UBASH3B: variants seen among roughly 807,000 people sequenced by gnomAD.
UBASH3B encodes the protein ubiquitin-associated and SH3 domain-containing protein B.
In UBASH3B, 37 loss-of-function variants were observed where a neutral mutation model predicts 83.4. That is an observed-to-expected ratio of 0.44 (90% CI 0.34 to 0.58). The LOEUF (loss-of-function observed/expected upper bound fraction) is 0.58. Among genes scored for constraint, UBASH3B ranks in the 20% least tolerant of loss-of-function variants. UBASH3B has a pLI of 0.01. For synonymous variants in UBASH3B, 304 were observed against 318.3 expected (o/e 0.96, Z 0.48); for missense variants, 657 against 827.2 (o/e 0.79, Z 2.52).
chr11:122,724,820 G>A (rs1387005184), intron 1 of UBASH3B, among the ~76,000 whole-genome samples: 2 of 152,120 alleles, frequency 1.3e-5, no homozygotes, highest in Non-Finnish European at 2.9e-5. Context: ...GGAGAGTCCA[G>A]TGAGCGGCAT....
chr11:122,681,411 C>T (rs899229586), intron 1 of UBASH3B, among the ~76,000 whole-genome samples: 1 of 152,114 alleles, frequency 6.6e-6, no homozygotes, highest in Non-Finnish European at 1.5e-5. Context: ...CTTCTTGTAC[C>T]TCTGATGCTT....
intron 1 of UBASH3B, among the ~76,000 whole-genome samples, chr11:122,765,093 T>G (rs1591803680): frequency 6.6e-6 from 1 of 152,294 alleles, no homozygotes; most frequent in East Asian, 1.9e-4. Flanking sequence ...AGCCCTTTTT[T>G]TTTTTCATGT....
chr11:122,756,963 G>A lies in UBASH3B; in HGVS notation c.162-19256G>A, dbSNP rs1012016554. On this transcript the variant is annotated intron_variant, in intron 1 of 13. Transcript: ENST00000284273. ...AAATCACTTGCCTCCGCGGGTCTTA[G>A]TTCCTCATCTGTAACGTGAGAGGAT... is the stretch of plus-strand genomic sequence containing the variant. Among the ~76,000 whole-genome samples the A allele has an allele frequency of 2.6e-5, 4 of 152,338 alleles. No homozygotes were observed. The East Asian group carries it at 5.8e-4, about 22-fold the overall frequency.
chr11:122,760,350 AGTTT>A (rs1331789897), intron 1 of UBASH3B, among the ~76,000 whole-genome samples: 1 of 143,398 alleles, frequency 7.0e-6, no homozygotes, highest in Non-Finnish European at 1.5e-5. Flanking sequence ...CAACAGAGAA[AGTTT>A]TTTTTTTTTT....
intron 1 of UBASH3B, among the ~76,000 whole-genome samples, chr11:122,674,981 C>T (rs370271145): frequency 1.3e-5 from 2 of 151,892 alleles, no homozygotes; most frequent in South Asian, 2.1e-4. Flanking sequence ...CACCCACCTT[C>T]GTCTCCCAAA....
chr11:122,725,340 A>AAG (rs1555140834), intron 1 of UBASH3B, among the ~76,000 whole-genome samples: 1 of 135,174 alleles, frequency 7.4e-6, no homozygotes, highest in Non-Finnish European at 1.7e-5. Context: ...AAAAAAAAAA[A>AAG]AAAAGAAAAG....
At chr11:122,682,006 G>A (rs1305471204) in intron 1 of UBASH3B, among the ~76,000 whole-genome samples, 2 of 152,096 alleles carry the variant, frequency 1.3e-5, no homozygotes, top group African/African-American at 2.4e-5. Flanking sequence ...GTCAGAACAA[G>A]ATGGGCCCAT....
chr11:122,808,048 C>T lies in UBASH3B; in HGVS notation c.1703-19C>T. 12 of 1,596,692 alleles carry T rather than the reference C, an allele frequency of 7.5e-6. No individual in the cohort carries two copies. Among genetic ancestry groups the T allele is most frequent in the Non-Finnish European group, 1.0e-5 (12 of 1,164,078 alleles). ...TCTTTATAGAAACAGTCTTCCCATA[C>T]CTTGCCATTTTCCCCCAGGAAATAA... On this transcript the variant is annotated intron_variant, in intron 12 of 13. Transcript: ENST00000284273.
Position 122,806,281 on chromosome 11 carries a change from A to T in UBASH3B, c.1596-129A>T, listed in dbSNP as rs891958761. On this transcript the variant is annotated intron_variant, in intron 11 of 13. Coordinates refer to ENST00000284273, the MANE Select transcript of UBASH3B (RefSeq NM_032873.5). The surrounding 1 kb of genome is among the most constrained non-coding windows in gnomAD (Gnocchi z 4.0). Reference sequence around the variant, plus strand: ...TGTTCCCTATACCTTTCTCCTTTCTAGGGAAATGGATAAACAAACAGATCT... The same window carrying T: ...TGTTCCCTATACCTTTCTCCTTTCTTGGGAAATGGATAAACAAACAGATCT... The T allele has an allele frequency of 1.3e-6, 1 of 762,142 alleles. No homozygotes were observed. The highest frequency in any genetic ancestry group is 2.1e-6 in the Non-Finnish European group (1 of 473,798). 47.2% of individuals were successfully genotyped at this position (762,142 alleles called of 1,614,324 possible). A position where few individuals can be genotyped will look rare whatever the true frequency, so the allele number is the denominator to read the frequency against.
chr11:122,692,138 C>T (rs1863904985), intron 1 of UBASH3B, among the ~76,000 whole-genome samples: 1 of 152,064 alleles, frequency 6.6e-6, no homozygotes, highest in East Asian at 1.9e-4. Context: ...AATAGAAGTA[C>T]CTACCTCACA....
At chr11:122,793,692 T>C (rs1861099827) in intron 6 of UBASH3B, among the ~76,000 whole-genome samples, 1 of 152,246 alleles carries the variant, frequency 6.6e-6, no homozygotes, top group Non-Finnish European at 1.5e-5. Context: ...TGGCAGGTTT[T>C]GACTGTCTTC....
Position 122,813,734 on chromosome 11 carries a change from G to T in UBASH3B, c.*3848G>T, listed in dbSNP as rs1317769374. 2 of 152,112 alleles carry T rather than the reference G, an allele frequency of 1.3e-5. No individual in the cohort carries two copies. The highest frequency in any genetic ancestry group is 4.8e-5 in the African/African-American group (2 of 41,412). 9.4% of individuals were successfully genotyped at this position (152,112 alleles called of 1,614,324 possible). ...AATGTTCACTTTACAAAGGTGATGG[G>T]GGATATTTTGTTAGGTGATAGCAGA... is the stretch of plus-strand genomic sequence containing the variant. On this transcript the variant is annotated 3_prime_UTR_variant, in exon 14 of 14. Coordinates refer to ENST00000284273, the MANE Select transcript of UBASH3B (RefSeq NM_032873.5).
rs1863352691 is a variant in UBASH3B, at chr11:122,655,962, C to T, written c.-88C>T. The T allele has an allele frequency of 4.7e-6, 6 of 1,265,580 alleles. No homozygotes were observed. In the East Asian group the frequency reaches 1.3e-4, roughly 27 times the overall value. The allele number at this position is 1,265,580 out of a possible 1,614,324, so 78.4% of individuals were successfully genotyped here. Reference sequence around the variant, plus strand: ...TCCTGCCTGGCTCTGGGTCCCCGAGCCCCCTCCCCTGGCCCAGCCCGACTC... The same window carrying T: ...TCCTGCCTGGCTCTGGGTCCCCGAGTCCCCTCCCCTGGCCCAGCCCGACTC... On this transcript the variant is annotated 5_prime_UTR_variant, in exon 1 of 14. Coordinates refer to ENST00000284273, the MANE Select transcript of UBASH3B (RefSeq NM_032873.5).
Position 122,661,870 on chromosome 11 carries a change from A to C in UBASH3B, c.161+5660A>C, listed in dbSNP as rs557413558. On this transcript the variant is annotated intron_variant, in intron 1 of 13. Transcript: ENST00000284273. ...CGAGGTCCTGGTTCCAAAAAAAAAAAAAACAAAAAAAAAAATACCTTGATA... is the reference window on the plus strand; with the variant it reads ...CGAGGTCCTGGTTCCAAAAAAAAAACAAACAAAAAAAAAAATACCTTGATA... 5.0e-4 allele frequency among the ~76,000 whole-genome samples: 75 copies of C among 151,016 alleles called. 1 individual carries two copies. The East Asian group carries it at 0.01, about 21-fold the overall frequency.
At chr11:122,791,167 T>C (rs1223440999) in intron 6 of UBASH3B, among the ~76,000 whole-genome samples, 2 of 152,226 alleles carry the variant, frequency 1.3e-5, no homozygotes, top group African/African-American at 4.8e-5. Flanking sequence ...GAAATTAAAC[T>C]AACAGCTTCC....
At chr11:122,803,717 G>T (rs955060362) in intron 11 of UBASH3B, among the ~76,000 whole-genome samples, 15 of 152,122 alleles carry the variant, frequency 9.9e-5, no homozygotes, top group African/African-American at 3.6e-4. Context: ...ATCAAACTTT[G>T]GCATGAGGCT....
At chr11:122,776,133 T>A in intron 1 of UBASH3B, 86 bp from the exon 2 acceptor site, 1 of 1,233,570 alleles carries the variant, frequency 8.1e-7, no homozygotes, top group Non-Finnish European at 1.2e-6. Context: ...CAGGCTTTGA[T>A]GTCGCCTCCT....
chr11:122,699,517 C>T (rs374862272), intron 1 of UBASH3B, among the ~76,000 whole-genome samples: 8 of 138,042 alleles, frequency 5.8e-5, no homozygotes, highest in African/African-American at 1.1e-4. Flanking sequence ...TTCTTTCTTT[C>T]TCTTTCTTTC....
chr11:122,688,210 G>A (rs553221421), intron 1 of UBASH3B, among the ~76,000 whole-genome samples: 11 of 152,026 alleles, frequency 7.2e-5, no homozygotes, highest in African/African-American at 2.4e-4. Flanking sequence ...GACACCGAGA[G>A]GGATGGGAGT....
Sources: gnomAD v4.1 joint callset for allele counts (sites outside exome capture counted in the v4.1 genomes callset) on GRCh38, gnomAD v4.1.1 for gene constraint, Gnocchi (gnomAD v3.1) non-coding constraint, MANE v1.5 for transcripts, NCBI Gene and HGNC (gene_info 2026-07-23, HGNC 2026-07-21) for gene names.